Variants in FGGY observed in about 807,000 individuals in gnomAD.
The protein encoded by FGGY is FGGY carbohydrate kinase domain-containing protein.
Under a neutral mutation model 71.3 loss-of-function variants are expected in FGGY, and 72 were observed. That is an observed-to-expected ratio of 1.01 (90% CI 0.84 to 1.23). FGGY has a LOEUF of 1.23. Among genes scored for constraint, FGGY ranks in the 50% most tolerant of loss-of-function variants. The pLI, the probability that FGGY is intolerant of heterozygous loss-of-function variation, is 0.00. For missense variants in FGGY, 668 were observed against 682.3 expected, an observed-to-expected ratio of 0.98 and a Z score of 0.23; for synonymous variants, 251 against 250.3, an observed-to-expected ratio of 1.00 and a Z score of -0.02.
At chr1:59,533,557 C>CAAAT (rs148698101) in intron 7 of FGGY, among the ~76,000 whole-genome samples, 25,214 of 151,970 alleles carry the variant, frequency 0.17, 2,471 homozygotes, top group South Asian at 0.34. Context: ...AGGGAACAGA[C>CAAAT]AAAAAGACAG....
chr1:59,355,549 AT>A (rs112884353), intron 4 of FGGY, among the ~76,000 whole-genome samples: 4,667 of 147,310 alleles, frequency 0.032, 229 homozygotes, highest in African/African-American at 0.11. Flanking sequence ...TGAGCAAGGG[AT>A]TTTTTTTTTT....
intron 4 of FGGY, among the ~76,000 whole-genome samples, chr1:59,348,576 G>A (rs1184576606): frequency 2.0e-5 from 3 of 152,158 alleles, no homozygotes; most frequent in South Asian, 2.1e-4. Context: ...CATCTAATGA[G>A]CATGACCTGC....
At chr1:59,618,188 T>A (rs145567654) in intron 9 of FGGY, among the ~76,000 whole-genome samples, 2 of 152,072 alleles carry the variant, frequency 1.3e-5, no homozygotes, top group African/African-American at 4.8e-5. Flanking sequence ...TTGTAGGACA[T>A]AAAAATAGAT....
At chr1:59,522,816 T>G (rs774561465) in intron 7 of FGGY, among the ~76,000 whole-genome samples, 10 of 152,212 alleles carry the variant, frequency 6.6e-5, no homozygotes, top group Non-Finnish European at 1.3e-4. Context: ...CTTATTTGTG[T>G]GCCTCTGTCT....
At chr1:59,550,887 G>A (rs1017374324) in intron 7 of FGGY, among the ~76,000 whole-genome samples, 1 of 152,152 alleles carries the variant, frequency 6.6e-6, no homozygotes, top group Non-Finnish European at 1.5e-5. Flanking sequence ...GTGGCCTTGG[G>A]CAAGTTACCT....
chr1:59,726,155 G>T (rs2097945492), intron 14 of FGGY, among the ~76,000 whole-genome samples: 1 of 151,768 alleles, frequency 6.6e-6, no homozygotes, highest in Non-Finnish European at 1.5e-5. Flanking sequence ...AGATTTTTTT[G>T]AAATATTTCT....
At chr1:59,322,442 C>A (rs1039015721) in intron 2 of FGGY, among the ~76,000 whole-genome samples, 1 of 152,034 alleles carries the variant, frequency 6.6e-6, no homozygotes, top group Non-Finnish European at 1.5e-5. Flanking sequence ...TCCTCACCAC[C>A]CCCCAGCGCT....
chr1:59,699,160 C>T (rs1038545916), intron 14 of FGGY: 34 of 985,132 alleles, frequency 3.5e-5, no homozygotes, highest in East Asian at 1.1e-4. Flanking sequence ...CTTTTAGTAT[C>T]GTGAGCTTCA....
chr1:59,638,508 C>G (rs2096985621), intron 11 of FGGY, 133 bp downstream of exon 11: 1 of 1,013,112 alleles, frequency 9.9e-7, no homozygotes, highest in Non-Finnish European at 1.4e-6. Context: ...TGTGCAGATG[C>G]ATTGCTGTTG....
At chr1:59,693,087 G>A (rs910447244) in intron 14 of FGGY, among the ~76,000 whole-genome samples, 2 of 152,220 alleles carry the variant, frequency 1.3e-5, no homozygotes, top group African/African-American at 4.8e-5. Flanking sequence ...CTAAAAGATA[G>A]ATAATATTTG....
intron 5 of FGGY, chr1:59,393,242 T>C (rs900205108): frequency 2.6e-5 from 4 of 152,236 alleles, no homozygotes; most frequent in South Asian, 4.1e-4. Flanking sequence ...TTAATTAACA[T>C]TGACAGCCTG....
intron 4 of FGGY, among the ~76,000 whole-genome samples, chr1:59,358,196 T>G (rs2054711650): frequency 6.6e-6 from 1 of 152,158 alleles, no homozygotes; most frequent in South Asian, 2.1e-4. Context: ...AGGCTAGAAG[T>G]CCAAAAAGGT....
chr1:59,453,126 C>G (rs1404285629), intron 5 of FGGY, among the ~76,000 whole-genome samples: 1 of 152,164 alleles, frequency 6.6e-6, no homozygotes, highest in Non-Finnish European at 1.5e-5. Flanking sequence ...ATTGTACTCA[C>G]TAAACTTTAC....
intron 7 of FGGY, among the ~76,000 whole-genome samples, chr1:59,528,509 T>C (rs777288024): frequency 1.3e-5 from 2 of 152,202 alleles, no homozygotes; most frequent in African/African-American, 2.4e-5. Flanking sequence ...TCTTCTAATG[T>C]TCTAAAACCT....
chr1:59,496,488 A>G (rs527893706), intron 6 of FGGY, among the ~76,000 whole-genome samples: 52 of 152,178 alleles, frequency 3.4e-4, no homozygotes, highest in Non-Finnish European at 7.1e-4. Flanking sequence ...AGTACATATG[A>G]ACACAAAGGA....
intron 6 of FGGY, among the ~76,000 whole-genome samples, chr1:59,468,636 G>A (rs998496437): frequency 6.6e-6 from 1 of 152,142 alleles, no homozygotes; most frequent in South Asian, 2.1e-4. Context: ...ACTTTGGGAG[G>A]CCGAGGCAGG....
intron 7 of FGGY, among the ~76,000 whole-genome samples, chr1:59,532,227 T>A (rs1313165135): frequency 6.6e-6 from 1 of 151,958 alleles, no homozygotes; most frequent in Non-Finnish European, 1.5e-5. Flanking sequence ...CTAAATGGAG[T>A]AAAGTCAACA....
chr1:59,423,013 T>C (rs1221236258), intron 5 of FGGY, among the ~76,000 whole-genome samples: 1 of 152,206 alleles, frequency 6.6e-6, no homozygotes, highest in Non-Finnish European at 1.5e-5. Context: ...TGGATACTAT[T>C]GTGCCAGGCA....
At chr1:59,667,131 A>G in intron 12 of FGGY, 152 bp from the exon 13 acceptor site, 4 of 991,242 alleles carry the variant, frequency 4.0e-6, no homozygotes, top group Admixed American at 4.3e-5. Context: ...CTGTGTGATC[A>G]TAGACAACAT....
Sources: allele counts gnomAD v4.1 joint callset (sites outside exome capture counted in the v4.1 genomes callset), GRCh38; gene constraint gnomAD v4.1.1; transcripts MANE v1.5; gene names NCBI Gene and HGNC (gene_info 2026-07-23, HGNC 2026-07-21).